The following HCN1 variants were observed in gnomAD, a reference collection of about 807,000 sequenced individuals.
The protein encoded by HCN1 is potassium/sodium hyperpolarization-activated cyclic nucleotide-gated channel 1.
In HCN1, 13 loss-of-function variants were observed where a neutral mutation model predicts 78.9. The ratio of observed to expected loss-of-function variants is 0.16; its 90% CI spans 0.11 to 0.26. The LOEUF (loss-of-function observed/expected upper bound fraction) is 0.26, where lower values mean the gene tolerates loss of function less well. Ranked by LOEUF, HCN1 falls within the 10% of genes least tolerant of loss-of-function variation. HCN1 has a pLI of 1.00. For synonymous variants in HCN1, 552 were observed against 455.5 expected (o/e 1.21, Z -2.70); for missense variants, 810 against 1,154.3 (o/e 0.70, Z 4.32).
chr5:45,620,937 C>A (rs1367173274), intron 2 of HCN1, among the ~76,000 whole-genome samples: 3 of 152,092 alleles, frequency 2.0e-5, no homozygotes, highest in Admixed American at 6.5e-5. Flanking sequence ...TACATCAATC[C>A]TAGTTAAAAC....
At chr5:45,358,912 T>C (rs544784714) in intron 4 of HCN1, among the ~76,000 whole-genome samples, 1 of 152,260 alleles carries the variant, frequency 6.6e-6, no homozygotes, top group Non-Finnish European at 1.5e-5. Context: ...CTATTTTTTC[T>C]GAGGGCTGCT....
At chr5:45,675,241 C>G (rs893035552) in intron 1 of HCN1, among the ~76,000 whole-genome samples, 5 of 151,764 alleles carry the variant, frequency 3.3e-5, no homozygotes, top group Non-Finnish European at 5.9e-5. Flanking sequence ...ATGAGATCAA[C>G]TTTTGTCCCT....
intron 6 of HCN1, among the ~76,000 whole-genome samples, chr5:45,280,546 T>C (rs1410180969): frequency 6.6e-6 from 1 of 152,162 alleles, no homozygotes; most frequent in East Asian, 1.9e-4. Context: ...GGCCTCAATC[T>C]ACTGGAAGCC....
At chr5:45,344,972 G>A (rs373417113) in intron 5 of HCN1, among the ~76,000 whole-genome samples, 26 of 152,290 alleles carry the variant, frequency 1.7e-4, no homozygotes, top group African/African-American at 5.8e-4. Context: ...CCCTAGCAGA[G>A]GTTCTCCATG....
intron 7 of HCN1, among the ~76,000 whole-genome samples, chr5:45,264,269 C>T (rs913352597): frequency 6.6e-6 from 1 of 152,124 alleles, no homozygotes; most frequent in Admixed American, 6.5e-5. Flanking sequence ...TGCAATACAG[C>T]TTTTCCTGCC....
intron 4 of HCN1, among the ~76,000 whole-genome samples, chr5:45,373,763 G>A (rs1235850362): frequency 1.8e-5 from 2 of 111,776 alleles, no homozygotes; most frequent in African/African-American, 3.7e-5. Flanking sequence ...CGGTATATAC[G>A]TCATCTATAA....
chr5:45,526,362 C>A (rs75567374), intron 2 of HCN1, among the ~76,000 whole-genome samples: 5,837 of 152,146 alleles, frequency 0.038, 197 homozygotes, highest in Non-Finnish European at 0.052. Flanking sequence ...CCCTGGGAGA[C>A]AACAGTGAGT....
chr5:45,319,792 T>A (rs1048083669), intron 5 of HCN1, among the ~76,000 whole-genome samples: 2 of 151,840 alleles, frequency 1.3e-5, no homozygotes, highest in African/African-American at 4.8e-5. Flanking sequence ...ATCTGTATTT[T>A]GGAATTCTAA....
At chr5:45,271,495 T>C (rs992973394) in intron 6 of HCN1, among the ~76,000 whole-genome samples, 5 of 152,052 alleles carry the variant, frequency 3.3e-5, no homozygotes, top group African/African-American at 1.2e-4. Context: ...GTCAACTTGC[T>C]CTTGTTTGTG....
rs1173364293 is a variant in HCN1 at position 45,259,448 on chromosome 5, A to G, written c.*2473T>C. The G allele has an allele frequency of 6.6e-6, 1 of 152,308 alleles. No individual in the cohort carries two copies. The highest frequency in any genetic ancestry group is 1.5e-5 in the Non-Finnish European group (1 of 67,938). 9.4% of individuals were successfully genotyped at this position (152,308 alleles called of 1,614,324 possible). A position where few individuals can be genotyped will look rare whatever the true frequency, so the allele number is the denominator to read the frequency against. On this transcript the variant is annotated 3_prime_UTR_variant, in exon 8 of 8. Coordinates refer to ENST00000303230, the MANE Select transcript of HCN1 (RefSeq NM_021072.4). ...TTCTGTACAGATTAAAACTCCATAC[A>G]TACGGGCTTCACTATGTACAGAGAA...
chr5:45,556,856 T>G (rs189717944), intron 2 of HCN1, among the ~76,000 whole-genome samples: 11 of 152,076 alleles, frequency 7.2e-5, no homozygotes, highest in Admixed American at 5.3e-4. Flanking sequence ...CTAGTGCAGT[T>G]CCCTCCCTGA....
chr5:45,316,258 C>T lies in HCN1; in HGVS notation c.1378-12419G>A, dbSNP rs374105438. ...TCCCTGGGATGCAAGGCTGGTTCAA[C>T]ATATGCAAATCAATAAATGTAATCC... is the stretch of plus-strand genomic sequence containing the variant. On this transcript the variant is annotated intron_variant, in intron 5 of 7. Transcript: ENST00000303230. Among the ~76,000 whole-genome samples, 10 of 152,248 alleles carry T rather than the reference C, an allele frequency of 6.6e-5. No individual in the cohort carries two copies. The South Asian group carries it at 1.0e-3, about 16-fold the overall frequency.
chr5:45,375,850 T>C (rs1326621343), intron 4 of HCN1, among the ~76,000 whole-genome samples: 48 of 119,722 alleles, frequency 4.0e-4, no homozygotes, highest in Non-Finnish European at 6.6e-4. Context: ...TATAATATAA[T>C]ATTTTATGAT....
chr5:45,411,501 A>G (rs1319193195), intron 3 of HCN1, among the ~76,000 whole-genome samples: 1 of 152,022 alleles, frequency 6.6e-6, no homozygotes. Flanking sequence ...GTCAAAGAAA[A>G]TAAAGCGAAG....
intron 3 of HCN1, among the ~76,000 whole-genome samples, chr5:45,410,357 A>G (rs1453559502): frequency 6.6e-6 from 1 of 152,002 alleles, no homozygotes; most frequent in Non-Finnish European, 1.5e-5. Flanking sequence ...AATGATGAAG[A>G]TACTATGATC....
At chr5:45,431,715 G>T (rs1740466999) in intron 3 of HCN1, among the ~76,000 whole-genome samples, 1 of 151,994 alleles carries the variant, frequency 6.6e-6, no homozygotes, top group Non-Finnish European at 1.5e-5. Context: ...GCTTGTTTTT[G>T]TCAACTTTGT....
At position 45,496,345 on chromosome 5, in the gene HCN1, G is replaced by A. The variant is rs575154469; in HGVS notation, c.850-34338C>T. Among the ~76,000 whole-genome samples, 533 of 151,306 alleles carry A rather than the reference G, an allele frequency of 3.5e-3. 7 individuals are homozygous for A. Among genetic ancestry groups the A allele is most frequent in the African/African-American group, 0.012 (500 of 41,216 alleles). Reference sequence around the variant, plus strand: ...TTAGTCTTGGGAGAGTGTATGTGTCGAGGAATGTATCCATTTCTTCTAGAT... The same window carrying A: ...TTAGTCTTGGGAGAGTGTATGTGTCAAGGAATGTATCCATTTCTTCTAGAT... On this transcript the variant is annotated intron_variant, in intron 2 of 7. Coordinates refer to ENST00000303230, the MANE Select transcript of HCN1 (RefSeq NM_021072.4).
At chr5:45,561,515 C>G (rs189430449) in intron 2 of HCN1, among the ~76,000 whole-genome samples, 3 of 150,878 alleles carry the variant, frequency 2.0e-5, no homozygotes, top group Non-Finnish European at 4.4e-5. Context: ...ATGTGTATTA[C>G]TAAGATAAAA....
chr5:45,278,929 C>T lies in HCN1; in HGVS notation c.1619-11676G>A, dbSNP rs1579774587. ...TTTTAAAGGTTTGTTAAAATAAAAGCAAAAATGAAAGATGGATATACAATC... is the reference window on the plus strand; with the variant it reads ...TTTTAAAGGTTTGTTAAAATAAAAGTAAAAATGAAAGATGGATATACAATC... On this transcript the variant is annotated intron_variant, in intron 6 of 7. Transcript: ENST00000303230. 2.0e-5 allele frequency among the ~76,000 whole-genome samples: 3 copies of T among 151,730 alleles called. No individual in the cohort carries two copies. In the South Asian group the frequency reaches 6.2e-4, roughly 32 times the overall value.
Sources: gnomAD v4.1 joint callset for allele counts (sites outside exome capture counted in the v4.1 genomes callset) on GRCh38, gnomAD v4.1.1 for gene constraint, MANE v1.5 for transcripts, NCBI Gene and HGNC (gene_info 2026-07-23, HGNC 2026-07-21) for gene names.